The following SGTB variants were observed in gnomAD, a reference collection of about 807,000 sequenced individuals.
SGTB encodes small glutamine rich tetratricopeptide repeat co-chaperone beta.
A neutral mutation model predicts 43.9 loss-of-function variants in SGTB; 19 were observed. That is an observed-to-expected ratio of 0.43 (90% CI 0.30 to 0.63). The LOEUF (loss-of-function observed/expected upper bound fraction) is 0.63. Among genes scored for constraint, SGTB ranks in the 30% least tolerant of loss-of-function variants. SGTB has a pLI of 0.12. For synonymous variants in SGTB, 116 were observed against 117.3 expected (o/e 0.99, Z 0.07); for missense variants, 304 against 358.9 (o/e 0.85, Z 1.24).
chr5:65,701,839 T>C (rs973651736), intron 5 of SGTB, among the ~76,000 whole-genome samples: 1 of 152,168 alleles, frequency 6.6e-6, no homozygotes, highest in African/African-American at 2.4e-5. Flanking sequence ...TTCACTGTGT[T>C]AGCCAGGATG....
At chr5:65,704,230 A>T in intron 5 of SGTB, 49 bp downstream of exon 5, 1 of 1,311,420 alleles carries the variant, frequency 7.6e-7, no homozygotes, top group Non-Finnish European at 1.1e-6. Context: ...CAGAGCTATT[A>T]ATCTAAATGT....
chr5:65,716,481 A>G (rs1758153290), intron 2 of SGTB, among the ~76,000 whole-genome samples: 1 of 152,232 alleles, frequency 6.6e-6, no homozygotes, highest in Non-Finnish European at 1.5e-5. Flanking sequence ...GAAATAGTTC[A>G]GTCCAGAGGT....
At chr5:65,676,321 GAAA>G (rs553675926) in intron 8 of SGTB, among the ~76,000 whole-genome samples, 1 of 145,384 alleles carries the variant, frequency 6.9e-6, no homozygotes, top group Admixed American at 6.9e-5. Flanking sequence ...TGTCTCAAGA[GAAA>G]AAAAAAAGAC....
chr5:65,703,247 C>T (rs1159618427), intron 5 of SGTB, among the ~76,000 whole-genome samples: 2 of 152,102 alleles, frequency 1.3e-5, no homozygotes, highest in East Asian at 3.8e-4. Context: ...ATAACCCTTG[C>T]TGAGTACTTC....
intron 5 of SGTB, among the ~76,000 whole-genome samples, chr5:65,693,185 A>T (rs558289534): frequency 6.1e-4 from 92 of 151,770 alleles, no homozygotes; most frequent in African/African-American, 1.7e-3. Flanking sequence ...TGAGAGAAGG[A>T]CAGGACAGGA....
At chr5:65,711,472 C>A (rs1332722012) in intron 3 of SGTB, among the ~76,000 whole-genome samples, 1 of 152,134 alleles carries the variant, frequency 6.6e-6, no homozygotes, top group African/African-American at 2.4e-5. Context: ...TACCTGACAG[C>A]AAAGAAGGTC....
At chr5:65,685,733 G>C (rs1197237147) in intron 5 of SGTB, among the ~76,000 whole-genome samples, 1 of 152,108 alleles carries the variant, frequency 6.6e-6, no homozygotes, top group Non-Finnish European at 1.5e-5. Flanking sequence ...CATACAACTG[G>C]TCTACCTATT....
rs1317279860 is a variant in SGTB at position 65,708,510 on chromosome 5, C to T, written c.253G>A (p.Ala85Thr). ...SNSVPEDVGK[A>T]DQLKDEGNNH... ...TCACCTTCATCTTTTAATTGGTCAG[C>T]TTTTCCCACATCTTCAGGCACTGAG... Residue 85 changes from alanine (A) to threonine (T), a missense_variant, in exon 4 of 11, where the codon GCT becomes ACT. Coordinates refer to ENST00000381007, the MANE Select transcript of SGTB (RefSeq NM_019072.3). 1 of 1,613,186 alleles carries T rather than the reference C, an allele frequency of 6.2e-7. No homozygotes were observed. Among genetic ancestry groups the T allele is most frequent in the Non-Finnish European group, 8.5e-7 (1 of 1,179,756 alleles).
intron 1 of SGTB, among the ~76,000 whole-genome samples, chr5:65,721,486 A>G (rs1247043727): frequency 2.0e-5 from 3 of 152,146 alleles, no homozygotes; most frequent in African/African-American, 7.2e-5. Flanking sequence ...GTTCATTCAC[A>G]TGGAATACTA....
At chr5:65,680,091 T>C (rs1757364532) in intron 8 of SGTB, among the ~76,000 whole-genome samples, 1 of 152,178 alleles carries the variant, frequency 6.6e-6, no homozygotes. Flanking sequence ...AAATAACACA[T>C]GTTCTCACTT....
chr5:65,691,146 T>C (rs1757599421), intron 5 of SGTB, among the ~76,000 whole-genome samples: 1 of 152,208 alleles, frequency 6.6e-6, no homozygotes, highest in Admixed American at 6.5e-5. Context: ...GGGAGGATTC[T>C]GTGATGCTAG....
chr5:65,674,573 A>G (rs893410696), intron 8 of SGTB, among the ~76,000 whole-genome samples: 1 of 152,180 alleles, frequency 6.6e-6, no homozygotes, highest in Non-Finnish European at 1.5e-5. Context: ...ATTCCTTCAT[A>G]TAGGGAGCCC....
intron 5 of SGTB, among the ~76,000 whole-genome samples, chr5:65,701,216 T>C (rs1229044466): frequency 1.3e-5 from 2 of 151,858 alleles, no homozygotes; most frequent in Admixed American, 6.6e-5. Context: ...ACCCTAAATA[T>C]GATAATAATG....
intron 8 of SGTB, among the ~76,000 whole-genome samples, chr5:65,674,951 C>T (rs183027132): frequency 8.5e-5 from 13 of 152,328 alleles, no homozygotes; most frequent in Admixed American, 2.0e-4. Context: ...GGGAATGAGT[C>T]ATCTGTGCAT....
chr5:65,711,178 T>C lies in SGTB; in HGVS notation c.204+1783A>G, dbSNP rs769170016. On this transcript the variant is annotated intron_variant, in intron 3 of 10. Coordinates refer to ENST00000381007, the MANE Select transcript of SGTB (RefSeq NM_019072.3). Reference sequence around the variant, plus strand: ...AGACTCCATCTCAAAAAAAAAGAAATATGATACCACATATATAACACAACT... The same window carrying C: ...AGACTCCATCTCAAAAAAAAAGAAACATGATACCACATATATAACACAACT... 2.6e-5 allele frequency among the ~76,000 whole-genome samples: 4 copies of C among 151,630 alleles called. No homozygotes were observed. The South Asian group carries it at 8.3e-4, about 32-fold the overall frequency.
chr5:65,694,133 A>G (rs1458701389), intron 5 of SGTB, among the ~76,000 whole-genome samples: 1 of 152,122 alleles, frequency 6.6e-6, no homozygotes, highest in African/African-American at 2.4e-5. Context: ...GGTTGGGAGG[A>G]AAAGACATTA....
intron 3 of SGTB, among the ~76,000 whole-genome samples, chr5:65,708,989 T>C (rs551829725): frequency 6.6e-6 from 1 of 151,844 alleles, no homozygotes; most frequent in Non-Finnish European, 1.5e-5. Context: ...TGCAGTGAGC[T>C]GAGATCATGG....
At chr5:65,709,260 C>T (rs943552735) in intron 3 of SGTB, among the ~76,000 whole-genome samples, 1 of 151,940 alleles carries the variant, frequency 6.6e-6, no homozygotes, top group Admixed American at 6.6e-5. Context: ...AAATCACAAT[C>T]TACAAAAAAT....
chr5:65,681,136 T>A (rs1239214611), intron 6 of SGTB, among the ~76,000 whole-genome samples: 2 of 152,184 alleles, frequency 1.3e-5, no homozygotes, highest in African/African-American at 2.4e-5. Context: ...GAGTTGACAA[T>A]CATGTGGTCA....
Sources: allele counts gnomAD v4.1 joint callset (sites outside exome capture counted in the v4.1 genomes callset), GRCh38; gene constraint gnomAD v4.1.1; transcripts MANE v1.5; gene names NCBI Gene and HGNC (gene_info 2026-07-23, HGNC 2026-07-21).